The following MRPS5 variants were observed in gnomAD, a reference collection of about 807,000 sequenced individuals.
MRPS5 encodes mitochondrial ribosomal protein S5.
A neutral mutation model predicts 51.9 loss-of-function variants in MRPS5; 27 were observed. The observed-to-expected ratio is 0.52, with a 90% CI of 0.38 to 0.72. The LOEUF (loss-of-function observed/expected upper bound fraction) is 0.72, where lower values mean the gene tolerates loss of function less well. MRPS5 is among the 30% of genes least tolerant of loss of function. The pLI is 0.00. For synonymous variants in MRPS5, 196 were observed against 193.2 expected, an observed-to-expected ratio of 1.01 and a Z score of -0.12; for missense variants, 570 against 545.7, an observed-to-expected ratio of 1.04 and a Z score of -0.44.
At chr2:95,121,647 C>A in intron 1 of MRPS5, 87 bp downstream of exon 1, 1 of 1,412,660 alleles carries the variant, frequency 7.1e-7, no homozygotes, top group Non-Finnish European at 9.4e-7. Flanking sequence ...CTTCTCGCTT[C>A]CCTCCGCCCC....
At chr2:95,110,674 T>C (rs539640870) in intron 3 of MRPS5, among the ~76,000 whole-genome samples, 1 of 152,284 alleles carries the variant, frequency 6.6e-6, no homozygotes, top group East Asian at 1.9e-4. Context: ...TGATGGCATG[T>C]GCCCATGGTC....
chr2:95,107,756 GC>G (rs1675993259), intron 5 of MRPS5, among the ~76,000 whole-genome samples: 1 of 152,110 alleles, frequency 6.6e-6, no homozygotes, highest in African/African-American at 2.4e-5. Context: ...TTCAATTTTT[GC>G]TTCATTTGTG....
At chr2:95,097,696 T>C in intron 10 of MRPS5, among the ~76,000 whole-genome samples, 1 of 152,132 alleles carries the variant, frequency 6.6e-6, no homozygotes, top group Non-Finnish European at 1.5e-5. Context: ...CAAAAATTAA[T>C]TCAAGATGGA....
intron 10 of MRPS5, among the ~76,000 whole-genome samples, chr2:95,097,693 T>G (rs1158056179): frequency 1.3e-5 from 2 of 152,146 alleles, no homozygotes; most frequent in South Asian, 2.1e-4. Flanking sequence ...ATACAAAAAT[T>G]AATTCAAGAT....
At chr2:95,107,733 TG>T (rs1675992833) in intron 5 of MRPS5, among the ~76,000 whole-genome samples, 1 of 152,226 alleles carries the variant, frequency 6.6e-6, no homozygotes, top group Non-Finnish European at 1.5e-5. Context: ...TTTTCAAATT[TG>T]GCCTAAGTAT....
At chr2:95,115,413 C>T (rs1004264120) in intron 2 of MRPS5, among the ~76,000 whole-genome samples, 3 of 152,150 alleles carry the variant, frequency 2.0e-5, no homozygotes, top group Admixed American at 6.5e-5. Context: ...ATAGTTCATC[C>T]GCACAACGGG....
chr2:95,106,762 C>CT (rs1271486426), intron 5 of MRPS5: 1 of 445,096 alleles, frequency 2.2e-6, no homozygotes, highest in East Asian at 4.2e-5. Flanking sequence ...CTCTCACGGC[C>CT]TCTCCCCCTA....
intron 3 of MRPS5, among the ~76,000 whole-genome samples, chr2:95,112,977 C>T (rs1328484700): frequency 1.3e-5 from 2 of 151,182 alleles, no homozygotes; most frequent in Non-Finnish European, 2.9e-5. Context: ...TGCACTCCAG[C>T]CTGGGCGACA....
At chr2:95,104,415 C>T (rs1435494085) in intron 7 of MRPS5, 1 of 560,094 alleles carries the variant, frequency 1.8e-6, no homozygotes, top group Admixed American at 3.1e-5. Flanking sequence ...TTATAATATT[C>T]CTTTTCCTCA....
At chr2:95,093,962 C>A (rs1340692463) in intron 10 of MRPS5, among the ~76,000 whole-genome samples, 1 of 152,134 alleles carries the variant, frequency 6.6e-6, no homozygotes. Context: ...GTTCAAACCC[C>A]ATCACAAGGA....
intron 1 of MRPS5, among the ~76,000 whole-genome samples, chr2:95,119,167 A>G (rs764730299): frequency 3.9e-5 from 6 of 152,238 alleles, no homozygotes; most frequent in Non-Finnish European, 7.3e-5. Context: ...AACCCAATAT[A>G]AAAGTGGGCA....
At chr2:95,113,337 G>T (rs1231400979) in intron 3 of MRPS5, among the ~76,000 whole-genome samples, 2 of 152,084 alleles carry the variant, frequency 1.3e-5, no homozygotes, top group African/African-American at 4.8e-5. Flanking sequence ...TTAGCTGGGC[G>T]TGGTGGCACG....
At chr2:95,117,738 G>A in intron 2 of MRPS5, 127 bp downstream of exon 2, 1 of 742,704 alleles carries the variant, frequency 1.3e-6, no homozygotes, top group Non-Finnish European at 2.2e-6. Context: ...GACTAACCAG[G>A]CTAAAAAATG....
intron 10 of MRPS5, among the ~76,000 whole-genome samples, chr2:95,099,898 ATTT>A (rs1436220543): frequency 6.6e-6 from 1 of 152,156 alleles, no homozygotes; most frequent in Non-Finnish European, 1.5e-5. Flanking sequence ...ATATAAAATC[ATTT>A]TTTACTGTAG....
chr2:95,110,804 AATT>A (rs1460960513), intron 3 of MRPS5, among the ~76,000 whole-genome samples: 2 of 152,212 alleles, frequency 1.3e-5, no homozygotes, highest in Admixed American at 1.3e-4. Flanking sequence ...TCAAAAAAAT[AATT>A]GTTCCATTAC....
chr2:95,101,038 T>G (rs541534952), intron 8 of MRPS5, 144 bp from the exon 9 acceptor site: 71 of 637,004 alleles, frequency 1.1e-4, no homozygotes, highest in Non-Finnish European at 1.8e-4. Flanking sequence ...ATATAAGGAC[T>G]TATTTTTTAA....
rs1675256469 is a variant in MRPS5, at chr2:95,085,385, C to G, written c.*1972G>C. Among the ~76,000 whole-genome samples, 1 of 151,972 alleles carries G rather than the reference C, an allele frequency of 6.6e-6. No individual in the cohort carries two copies. The highest frequency in any genetic ancestry group is 1.5e-5 in the Non-Finnish European group (1 of 68,034). On this transcript the variant is annotated 3_prime_UTR_variant, in exon 12 of 12. Transcript: ENST00000272418. The stretch of plus-strand genomic sequence containing the variant: ...TACAGATAATTTTGTTTCCCCTCTC[C>G]AAAGGATCATTGTCTTTTATTGCTT...
In MRPS5 at chr2:95,104,597, C is replaced by T. The variant is rs201563434; in HGVS notation, c.763+43G>A. On this transcript the variant is annotated intron_variant, in intron 7 of 11. Transcript: ENST00000272418. ...CAGCATGGCCCGTGCCACGCCTTTC[C>T]CTGCACACCACCGCCACTGTGATGC... The T allele has an allele frequency of 7.5e-6, 12 of 1,603,730 alleles. No individual in the cohort carries two copies. In the East Asian group the frequency reaches 2.2e-4, roughly 30 times the overall value.
chr2:95,106,479 G>A (rs1675954748), intron 5 of MRPS5, 22 bp from the exon 6 acceptor site: 1 of 1,599,682 alleles, frequency 6.3e-7, no homozygotes, highest in East Asian at 2.2e-5. Context: ...AAAGAAACAG[G>A]GATACAGATG....
Sources: gnomAD v4.1 joint callset for allele counts (sites outside exome capture counted in the v4.1 genomes callset) on GRCh38, gnomAD v4.1.1 for gene constraint, MANE v1.5 for transcripts, NCBI Gene and HGNC (gene_info 2026-07-23, HGNC 2026-07-21) for gene names.